ARHGEF17: variants seen among roughly 807,000 people sequenced by gnomAD.
The protein encoded by ARHGEF17 is Rho guanine nucleotide exchange factor 17.
In ARHGEF17, 80 loss-of-function variants were observed where a neutral mutation model predicts 174.0. That is an observed-to-expected ratio of 0.46 (90% confidence interval 0.38 to 0.55). The LOEUF (loss-of-function observed/expected upper bound fraction) is 0.55. ARHGEF17 is among the 20% of genes least tolerant of loss of function. The probability of loss-of-function intolerance (pLI) is 0.00; values close to 1 mark genes in which losing one functional copy is unlikely to be tolerated. For synonymous variants in ARHGEF17, 1,311 were observed against 1,189.1 expected (o/e 1.10, Z -2.11); for missense variants, 2,886 against 2,839.7 (o/e 1.02, Z -0.37).
intron 16 of ARHGEF17, 48 bp downstream of exon 16, chr11:73,363,881 C>T (rs1256364777): frequency 4.5e-6 from 7 of 1,563,702 alleles, no homozygotes; most frequent in Middle Eastern, 1.7e-4. Context: ...CTCAGCCACA[C>T]GTGCAGGCCT....
intron 1 of ARHGEF17, among the ~76,000 whole-genome samples, chr11:73,324,420 C>T (rs540012986): frequency 1.3e-5 from 2 of 152,282 alleles, no homozygotes; most frequent in East Asian, 3.9e-4. Flanking sequence ...CTCTCAGCTC[C>T]CCTTACCACC....
At chr11:73,351,940 G>A (rs899697753) in intron 2 of ARHGEF17, among the ~76,000 whole-genome samples, 2 of 152,130 alleles carry the variant, frequency 1.3e-5, no homozygotes, top group African/African-American at 2.4e-5. Context: ...TCTGAGACTC[G>A]TGGTCTTCGC....
chr11:73,365,768 G>T lies in ARHGEF17; in HGVS notation c.5816G>T (p.Ser1939Ile). The part of the protein sequence containing the change: ...VCEELLWVGT[S>I]AGVVLTMPTS... ...GAGGAGCTGCTGTGGGTGGGCACCA[G>T]TGCTGGTGTCGTCCTCACCATGCCC... The change falls in exon 20 of 21, where the codon AGT becomes ATT. Residue 1939 changes from serine (S) to isoleucine (I), a missense_variant. Ser to Ile is a moderately radical substitution (Grantham distance 142). Coordinates refer to ENST00000263674, the MANE Select transcript of ARHGEF17 (RefSeq NM_014786.4). This position sits in a 1 kb window ranked among gnomAD's most constrained non-coding sequence, Gnocchi z 4.9. 1 of 1,613,736 alleles carries T rather than the reference G, an allele frequency of 6.2e-7. No individual in the cohort carries two copies. Among genetic ancestry groups the T allele is most frequent in the Non-Finnish European group, 8.5e-7 (1 of 1,180,044 alleles).
Position 73,367,953 on chromosome 11 carries a change from G to A in ARHGEF17, c.*173G>A. 1.5e-6 allele frequency: 1 copy of A among 680,026 alleles called. No individual in the cohort carries two copies. The highest frequency in any genetic ancestry group is 2.4e-6 in the Non-Finnish European group (1 of 422,324). The allele number at this position is 680,026 out of a possible 1,614,324, so 42.1% of individuals were successfully genotyped here. ...TTCCTGATGGAACACCCACTGGCCA[G>A]CCAGGCCATGGCTTCTCCCGACCCT... is the stretch of plus-strand genomic sequence containing the variant. On this transcript the variant is annotated 3_prime_UTR_variant, in exon 21 of 21. Transcript: ENST00000263674.
intron 1 of ARHGEF17, among the ~76,000 whole-genome samples, chr11:73,326,485 C>G (rs138505190): frequency 6.6e-6 from 1 of 152,042 alleles, no homozygotes; most frequent in African/African-American, 2.4e-5. Context: ...GTTGGGAGGC[C>G]GAGGAGGGCG....
chr11:73,334,761 C>G (rs1003351926), intron 1 of ARHGEF17, among the ~76,000 whole-genome samples: 4 of 152,188 alleles, frequency 2.6e-5, no homozygotes, highest in Admixed American at 1.3e-4. Flanking sequence ...CAGCCCTTCC[C>G]CCTGCTCCTG....
chr11:73,345,578 A>G (rs1381043682), intron 1 of ARHGEF17, among the ~76,000 whole-genome samples: 1 of 152,148 alleles, frequency 6.6e-6, no homozygotes, highest in Non-Finnish European at 1.5e-5. Context: ...AGCCCTGGGC[A>G]TAGCAGTGAC....
In ARHGEF17 at chr11:73,311,597, C is replaced by T. The variant is rs760163528; in HGVS notation, c.2959C>T (p.Pro987Ser). 5 of 1,613,526 alleles carry T rather than the reference C, an allele frequency of 3.1e-6. No homozygotes were observed. In the Admixed American group the frequency reaches 8.3e-5, roughly 27 times the overall value. The stretch of plus-strand genomic sequence containing the variant: ...TGGTCCCCCTGTGGCTGTGCCAGAA[C>T]CCATAGGCTTCCCTACCCGAGCCCA... ...SVGPPVAVPEPIGFPTRAHPT... is the reference protein window; with the variant it reads ...SVGPPVAVPESIGFPTRAHPT... Residue 987 changes from proline (P) to serine (S), a missense_variant, in exon 1 of 21, where the codon CCC (proline) becomes TCC (serine). Physicochemically the swap from Pro to Ser is moderately conservative, Grantham distance 74. Around this residue, in one of 4 missense-constraint regions of ARHGEF17, gnomAD observed 1,728 missense variants for 1,461.2 expected, o/e 1.18. Coordinates refer to ENST00000263674, the MANE Select transcript of ARHGEF17 (RefSeq NM_014786.4).
Position 73,311,631 on chromosome 11 carries a change from T to C in ARHGEF17, c.2993T>C (p.Leu998Ser). The change falls in exon 1 of 21, where the codon TTG becomes TCG. Residue 998 changes from leucine (L) to serine (S), a missense_variant. Leu to Ser is a moderately radical substitution (Grantham distance 145). This residue lies in a region of ARHGEF17 where 1,728 missense variants were observed against 1,461.2 expected (regional missense o/e 1.18). Coordinates refer to ENST00000263674, the MANE Select transcript of ARHGEF17 (RefSeq NM_014786.4). ...TTCCCTACCCGAGCCCATCCCACGTTGCAGGCACCATCGCTCGAGGACGTC... is the reference window on the plus strand; with the variant it reads ...TTCCCTACCCGAGCCCATCCCACGTCGCAGGCACCATCGCTCGAGGACGTC... The part of the protein sequence containing the change: ...IGFPTRAHPT[L>S]QAPSLEDVTK... 6.2e-7 allele frequency: 1 copy of C among 1,613,298 alleles called. No individual in the cohort carries two copies. Among genetic ancestry groups the C allele is most frequent in the Non-Finnish European group, 8.5e-7 (1 of 1,179,884 alleles).
intron 1 of ARHGEF17, among the ~76,000 whole-genome samples, chr11:73,321,490 C>T (rs140202949): frequency 1.3e-5 from 2 of 152,298 alleles, no homozygotes; most frequent in Non-Finnish European, 2.9e-5. Context: ...TGACCCCTTG[C>T]CGGGTGATAT....
intron 7 of ARHGEF17, 95 bp downstream of exon 7, chr11:73,356,854 T>G: frequency 6.3e-7 from 1 of 1,580,752 alleles, no homozygotes; most frequent in African/African-American, 1.3e-5. Flanking sequence ...TCCCTGCTCT[T>G]TCACCCCGAG....
chr11:73,344,796 C>T (rs761833894), intron 1 of ARHGEF17, among the ~76,000 whole-genome samples: 1 of 152,226 alleles, frequency 6.6e-6, no homozygotes, highest in Non-Finnish European at 1.5e-5. Flanking sequence ...AAGGGCAGTG[C>T]TGGGGACCTG....
At chr11:73,347,368 G>A (rs1865480780) in intron 2 of ARHGEF17, among the ~76,000 whole-genome samples, 1 of 152,184 alleles carries the variant, frequency 6.6e-6, no homozygotes, top group African/African-American at 2.4e-5. Flanking sequence ...AGGAGACACA[G>A]GAATGAATAA....
At chr11:73,328,223 G>A (rs1295933268) in intron 1 of ARHGEF17, among the ~76,000 whole-genome samples, 5 of 152,196 alleles carry the variant, frequency 3.3e-5, no homozygotes, top group Non-Finnish European at 7.3e-5. Context: ...AGCTCCCTGA[G>A]GGAGGCTTGG....
At chr11:73,334,789 G>C (rs987718836) in intron 1 of ARHGEF17, among the ~76,000 whole-genome samples, 1 of 152,128 alleles carries the variant, frequency 6.6e-6, no homozygotes, top group African/African-American at 2.4e-5. Flanking sequence ...GGGAGGGAGA[G>C]AACAAGAGGG....
chr11:73,350,149 C>T (rs1173695316), intron 2 of ARHGEF17, among the ~76,000 whole-genome samples: 1 of 152,202 alleles, frequency 6.6e-6, no homozygotes, highest in Admixed American at 6.5e-5. Flanking sequence ...TGCATTTAAT[C>T]TTTGTATTAA....
chr11:73,359,685 T>G, intron 9 of ARHGEF17, 149 bp from the exon 10 acceptor site: 1 of 604,400 alleles, frequency 1.7e-6, no homozygotes, highest in Non-Finnish European at 2.7e-6. Flanking sequence ...TGTTAACTTT[T>G]TTCCCAAGAG....
At chr11:73,315,782 C>T (rs1431770708) in intron 1 of ARHGEF17, among the ~76,000 whole-genome samples, 3 of 152,254 alleles carry the variant, frequency 2.0e-5, no homozygotes, top group South Asian at 2.1e-4. Context: ...TCCTCCCCAG[C>T]GAGGAAGGGT....
At chr11:73,323,144 G>A (rs1865043250) in intron 1 of ARHGEF17, among the ~76,000 whole-genome samples, 1 of 152,118 alleles carries the variant, frequency 6.6e-6, no homozygotes, top group Non-Finnish European at 1.5e-5. Flanking sequence ...CCTCTCAGGG[G>A]GGTCCCTGAA....
Sources: allele counts gnomAD v4.1 joint callset (sites outside exome capture counted in the v4.1 genomes callset), GRCh38; gene constraint gnomAD v4.1.1; regional missense constraint gnomAD v4.1.1; non-coding constraint Gnocchi (gnomAD v3.1); transcripts MANE v1.5; gene names NCBI Gene and HGNC (gene_info 2026-07-23, HGNC 2026-07-21).